Variants in CHST11 observed in about 807,000 individuals in gnomAD.
The protein encoded by CHST11 is C4S-1.
In CHST11, 9 loss-of-function variants were observed where a neutral mutation model predicts 30.4. The observed-to-expected ratio is 0.30, with a 90% CI of 0.18 to 0.52. The LOEUF (loss-of-function observed/expected upper bound fraction) is 0.52, where lower values mean the gene tolerates loss of function less well. CHST11 is among the 20% of genes least tolerant of loss of function. The pLI is 0.97. For synonymous variants in CHST11, 152 were observed against 187.8 expected, an observed-to-expected ratio of 0.81 and a Z score of 1.56; for missense variants, 348 against 460.6, an observed-to-expected ratio of 0.76 and a Z score of 2.24.
At chr12:104,575,812 C>G (rs892293088) in intron 1 of CHST11, among the ~76,000 whole-genome samples, 1 of 152,094 alleles carries the variant, frequency 6.6e-6, no homozygotes, top group Non-Finnish European at 1.5e-5. Context: ...CCCTTTCCTA[C>G]TTCGGCAGTG....
intron 2 of CHST11, among the ~76,000 whole-genome samples, chr12:104,664,290 CA>C (rs1431766431): frequency 1.3e-5 from 2 of 152,076 alleles, no homozygotes; most frequent in Admixed American, 1.3e-4. Context: ...TGTCATCGAT[CA>C]AAGAAAAATG....
chr12:104,513,971 G>C (rs2037995548), intron 1 of CHST11: 1 of 643,352 alleles, frequency 1.6e-6, no homozygotes, highest in Admixed American at 2.2e-5. Context: ...GGTTAGAGCT[G>C]GGCGAGTGCT....
At chr12:104,601,268 TTGG>T (rs2038955094) in intron 1 of CHST11, among the ~76,000 whole-genome samples, 2 of 152,198 alleles carry the variant, frequency 1.3e-5, no homozygotes, top group South Asian at 4.1e-4. Flanking sequence ...GGCTTCAATG[TTGG>T]TGGGGTTTGA....
Position 104,601,998 on chromosome 12 carries a change from T to C in CHST11, c.204+7T>C, listed in dbSNP as rs1439704003. The C allele has an allele frequency of 6.2e-7, 1 of 1,608,970 alleles. No individual in the cohort carries two copies. Among genetic ancestry groups the C allele is most frequent in the Non-Finnish European group, 8.5e-7 (1 of 1,177,480 alleles). ...ACTCTACAACCCAATCCAGGTAAGC[T>C]TCAAGCACTCTGTCAGCATGTGAAT... On this transcript the variant is annotated splice_region_variant and intron_variant, in intron 2 of 2. Transcript: ENST00000303694.
chr12:104,457,322 C>G lies in CHST11; in HGVS notation c.-90C>G. On this transcript the variant is annotated 5_prime_UTR_variant, in exon 1 of 3. Transcript: ENST00000303694. The stretch of plus-strand genomic sequence containing the variant: ...CCTTGCTCAGCTCTGCCCCGCGCCT[C>G]CCGGGCTCCGGTCCGCGCGGCGGGG... The G allele has an allele frequency of 2.3e-6, 2 of 882,812 alleles. No homozygotes were observed. The highest frequency in any genetic ancestry group is 1.4e-5 in the South Asian group (1 of 70,520). 54.7% of individuals were successfully genotyped at this position (882,812 alleles called of 1,614,324 possible). A position where few individuals can be genotyped will look rare whatever the true frequency, so the allele number is the denominator to read the frequency against.
At chr12:104,573,619 C>A (rs950275959) in intron 1 of CHST11, among the ~76,000 whole-genome samples, 2 of 152,196 alleles carry the variant, frequency 1.3e-5, no homozygotes, top group Non-Finnish European at 2.9e-5. Context: ...AAATGATTCC[C>A]TATTTAATAA....
intron 1 of CHST11, among the ~76,000 whole-genome samples, chr12:104,599,673 T>C (rs1401190420): frequency 3.9e-5 from 6 of 152,312 alleles, no homozygotes; most frequent in Middle Eastern, 3.4e-3. Context: ...ATGGCTTTAA[T>C]GTATTGACAT....
At chr12:104,716,165 C>G (rs2040129375) in intron 2 of CHST11, among the ~76,000 whole-genome samples, 1 of 152,206 alleles carries the variant, frequency 6.6e-6, no homozygotes, top group Non-Finnish European at 1.5e-5. Context: ...AGCCCCAGAG[C>G]CAATGTCGCA....
intron 2 of CHST11, among the ~76,000 whole-genome samples, chr12:104,636,691 T>G (rs562256912): frequency 6.6e-6 from 1 of 152,302 alleles, no homozygotes; most frequent in African/African-American, 2.4e-5. Flanking sequence ...CTCTGTGCCT[T>G]GGTTTCTTTA....
chr12:104,639,785 G>T (rs1189394633), intron 2 of CHST11, among the ~76,000 whole-genome samples: 1 of 152,194 alleles, frequency 6.6e-6, no homozygotes, highest in Non-Finnish European at 1.5e-5. Flanking sequence ...TGCAGGCCCA[G>T]TTGGAGGTCG....
At chr12:104,621,312 G>A (rs2039156512) in intron 2 of CHST11, among the ~76,000 whole-genome samples, 2 of 152,220 alleles carry the variant, frequency 1.3e-5, no homozygotes, top group African/African-American at 4.8e-5. Flanking sequence ...GCGATGGGCT[G>A]CAGACATCCT....
intron 1 of CHST11, among the ~76,000 whole-genome samples, chr12:104,518,099 A>G (rs1035411699): frequency 6.6e-6 from 1 of 152,104 alleles, no homozygotes; most frequent in African/African-American, 2.4e-5. Flanking sequence ...CAGCCTGGGC[A>G]ACATAGTGAG....
intron 2 of CHST11, among the ~76,000 whole-genome samples, chr12:104,699,393 T>C: frequency 6.6e-6 from 1 of 152,270 alleles, no homozygotes; most frequent in South Asian, 2.1e-4. Flanking sequence ...AATTACATGT[T>C]AAAATGATAT....
At chr12:104,643,359 C>T (rs776327876) in intron 2 of CHST11, among the ~76,000 whole-genome samples, 1 of 152,098 alleles carries the variant, frequency 6.6e-6, no homozygotes, top group Non-Finnish European at 1.5e-5. Flanking sequence ...AACCGCAAAC[C>T]TTGTTGTTGC....
rs1013992543 is a variant in CHST11 at position 104,713,690 on chromosome 12, C to T, written c.205-43259C>T. The stretch of plus-strand genomic sequence containing the variant: ...TTGCCGACTTGGCTGACTCCTGAGG[C>T]CAGGTCCACACCGGGCTATGTGTTT... On this transcript the variant is annotated intron_variant, in intron 2 of 2. Transcript: ENST00000303694. Among the ~76,000 whole-genome samples the T allele has an allele frequency of 2.0e-5, 3 of 152,112 alleles. No individual in the cohort carries two copies. In the East Asian group the frequency reaches 5.8e-4, roughly 29 times the overall value.
intron 1 of CHST11, among the ~76,000 whole-genome samples, chr12:104,519,267 A>C (rs1401682964): frequency 6.6e-6 from 1 of 152,232 alleles, no homozygotes; most frequent in Non-Finnish European, 1.5e-5. Context: ...TGTCAATTAC[A>C]GACTTCCTTT....
chr12:104,540,733 TCTCTC>T (rs1249743478), intron 1 of CHST11, among the ~76,000 whole-genome samples: 15 of 152,048 alleles, frequency 9.9e-5, no homozygotes, highest in African/African-American at 3.6e-4. Context: ...ACGGCTCCAA[TCTCTC>T]TAATTACAAA....
At chr12:104,522,458 G>A (rs1469343754) in intron 1 of CHST11, among the ~76,000 whole-genome samples, 1 of 152,182 alleles carries the variant, frequency 6.6e-6, no homozygotes, top group South Asian at 2.1e-4. Flanking sequence ...TGATGTAGAT[G>A]TATTTACGTG....
At chr12:104,713,237 T>C (rs888986543) in intron 2 of CHST11, among the ~76,000 whole-genome samples, 4 of 151,904 alleles carry the variant, frequency 2.6e-5, no homozygotes, top group African/African-American at 9.7e-5. Flanking sequence ...CCGAATCCAA[T>C]AGGTATTCAA....
Sources: allele counts gnomAD v4.1 joint callset (sites outside exome capture counted in the v4.1 genomes callset), GRCh38; gene constraint gnomAD v4.1.1; transcripts MANE v1.5; gene names NCBI Gene and HGNC (gene_info 2026-07-23, HGNC 2026-07-21).